NAV1: variants seen among roughly 807,000 people sequenced by gnomAD.
The protein encoded by NAV1 is neuron navigator 1.
In NAV1, 18 loss-of-function variants were observed where a neutral mutation model predicts 175.2. The ratio of observed to expected loss-of-function variants is 0.10; its 90% CI spans 0.07 to 0.15. The LOEUF is 0.15. Among genes scored for constraint, NAV1 ranks in the 10% least tolerant of loss-of-function variants. The pLI, the probability that NAV1 is intolerant of heterozygous loss-of-function variation, is 1.00. For missense variants in NAV1, 1,731 were observed against 2,436.6 expected (o/e 0.71, Z 6.10); for synonymous variants, 897 against 978.7 (o/e 0.92, Z 1.56).
chr1:201,761,923 C>T (rs988138257), intron 3 of NAV1, among the ~76,000 whole-genome samples: 2 of 151,866 alleles, frequency 1.3e-5, no homozygotes, highest in Admixed American at 6.6e-5. Flanking sequence ...TAAGCCAAGG[C>T]GGGAGGATAA....
At chr1:201,659,266 T>C (rs1669519135) in intron 1 of NAV1, among the ~76,000 whole-genome samples, 1 of 152,238 alleles carries the variant, frequency 6.6e-6, no homozygotes, top group Non-Finnish European at 1.5e-5. Flanking sequence ...CCAAGAAGCC[T>C]TCCTGAAGGA....
intron 29 of NAV1, among the ~76,000 whole-genome samples, chr1:201,818,995 T>C (rs573239625): frequency 6.6e-6 from 1 of 152,298 alleles, no homozygotes; most frequent in South Asian, 2.1e-4. Flanking sequence ...GAAATGGAAG[T>C]ACCAATCTTG....
At chr1:201,727,413 A>G (rs921213800) in intron 3 of NAV1, among the ~76,000 whole-genome samples, 10 of 152,188 alleles carry the variant, frequency 6.6e-5, no homozygotes, top group African/African-American at 2.2e-4. Context: ...CGTGCAGCAA[A>G]TGGTGCCCAT....
chr1:201,810,558 G>A lies in NAV1; in HGVS notation c.4597G>A (p.Glu1533Lys), dbSNP rs1362987459. The stretch of plus-strand genomic sequence containing the variant: ...GAAATGCGTCGACAGCCTGGTGTTC[G>A]AGACGCTGATCCCCAAGCCGATGAT... Residue 1533 changes from glutamate to lysine, a missense_variant, in exon 24 of 30, where the codon GAG becomes AAG. By Grantham distance (56) the Glu-to-Lys change is moderately conservative. This residue lies in a region of NAV1 where 115 missense variants were observed against 269.4 expected (regional missense o/e 0.43). Transcript: ENST00000367296. The surrounding 1 kb of genome is among the most constrained non-coding windows in gnomAD (Gnocchi z 6.0). 4.3e-6 allele frequency: 7 copies of A among 1,612,992 alleles called. No individual in the cohort carries two copies. Among genetic ancestry groups the A allele is most frequent in the African/African-American group, 1.3e-5 (1 of 74,964 alleles).
chr1:201,798,695 C>CTCTT (rs1243121955), intron 15 of NAV1: 8 of 69,476 alleles, frequency 1.2e-4, no homozygotes, highest in African/African-American at 4.2e-4. Context: ...TTTTCTCTCT[C>CTCTT]TTTTTTTTTT....
At chr1:201,589,257 G>C (rs971658047) in intron 2 of NAV1, among the ~76,000 whole-genome samples, 2 of 152,108 alleles carry the variant, frequency 1.3e-5, no homozygotes, top group African/African-American at 4.8e-5. Flanking sequence ...TTTTACCCCA[G>C]AGCACCCATT....
intron 3 of NAV1, among the ~76,000 whole-genome samples, chr1:201,764,603 G>T (rs1383610233): frequency 6.6e-6 from 1 of 152,164 alleles, no homozygotes; most frequent in African/African-American, 2.4e-5. Flanking sequence ...CACTTGGGGG[G>T]AACATAATTT....
At chr1:201,758,815 C>T (rs572344709) in intron 3 of NAV1, among the ~76,000 whole-genome samples, 9 of 152,282 alleles carry the variant, frequency 5.9e-5, no homozygotes, top group African/African-American at 2.2e-4. Flanking sequence ...TTATCTCTCT[C>T]GTAATGGAAG....
chr1:201,803,794 C>A, intron 16 of NAV1, 80 bp downstream of exon 20: 1 of 1,521,032 alleles, frequency 6.6e-7, no homozygotes, highest in Non-Finnish European at 8.9e-7. Flanking sequence ...TCGAATCCTT[C>A]CAGGATTAAC....
intron 1 of NAV1, among the ~76,000 whole-genome samples, chr1:201,578,185 G>T (rs1179463690): frequency 6.6e-6 from 1 of 151,920 alleles, no homozygotes; most frequent in African/African-American, 2.4e-5. Flanking sequence ...TTTTGTTTTG[G>T]TCTATTTTCT....
At chr1:201,658,293 A>G (rs557378734) in intron 1 of NAV1, among the ~76,000 whole-genome samples, 4 of 152,204 alleles carry the variant, frequency 2.6e-5, no homozygotes, top group Middle Eastern at 3.4e-3. Context: ...TCATTCCAGT[A>G]CAAGCAGAAT....
intron 1 of NAV1, among the ~76,000 whole-genome samples, chr1:201,666,433 G>A (rs942548849): frequency 1.7e-4 from 26 of 152,230 alleles, no homozygotes; most frequent in Admixed American, 1.7e-3. Flanking sequence ...GACAGATGGG[G>A]TGGGGGATGG....
intron 1 of NAV1, among the ~76,000 whole-genome samples, chr1:201,660,438 C>A (rs1200872851): frequency 6.6e-6 from 1 of 152,176 alleles, no homozygotes; most frequent in Non-Finnish European, 1.5e-5. Flanking sequence ...GTCAGGCCTC[C>A]CTACTTGGCA....
intron 1 of NAV1, among the ~76,000 whole-genome samples, chr1:201,675,937 C>A (rs1041558406): frequency 3.9e-5 from 6 of 152,164 alleles, no homozygotes; most frequent in African/African-American, 1.2e-4. Flanking sequence ...TATTTATTCC[C>A]AAATCACCAT....
intron 2 of NAV1, among the ~76,000 whole-genome samples, chr1:201,713,329 C>A (rs914524505): frequency 6.6e-6 from 1 of 152,184 alleles, no homozygotes; most frequent in Non-Finnish European, 1.5e-5. Flanking sequence ...AGAATCAATT[C>A]CCTTCTCAAC....
At chr1:201,592,709 G>T (rs1667235556) in intron 2 of NAV1, among the ~76,000 whole-genome samples, 1 of 152,056 alleles carries the variant, frequency 6.6e-6, no homozygotes, top group Non-Finnish European at 1.5e-5. Flanking sequence ...ATAATCAATT[G>T]TACCCAGCAG....
At chr1:201,598,594 A>G (rs543533636) in intron 2 of NAV1, among the ~76,000 whole-genome samples, 2 of 152,328 alleles carry the variant, frequency 1.3e-5, no homozygotes, top group South Asian at 2.1e-4. Flanking sequence ...CACAGGACCA[A>G]CTGGATGTGC....
At chr1:201,724,649 G>C (rs1158637757) in intron 3 of NAV1, 2 of 152,672 alleles carry the variant, frequency 1.3e-5, no homozygotes, top group Non-Finnish European at 2.9e-5. Context: ...TATGCCAAGG[G>C]CCACAGGGCC....
chr1:201,816,124 C>T (rs1679015105), intron 28 of NAV1, among the ~76,000 whole-genome samples: 1 of 152,014 alleles, frequency 6.6e-6, no homozygotes, highest in South Asian at 2.1e-4. Context: ...TTAATCCCAG[C>T]ACTTTGGGAG....
Sources: gnomAD v4.1 joint callset for allele counts (sites outside exome capture counted in the v4.1 genomes callset) on GRCh38, gnomAD v4.1.1 for gene constraint, gnomAD v4.1.1 regional missense constraint, Gnocchi (gnomAD v3.1) non-coding constraint, MANE v1.5 for transcripts, NCBI Gene and HGNC (gene_info 2026-07-23, HGNC 2026-07-21) for gene names.